The following DAPK1 variants were observed in gnomAD, a reference collection of about 807,000 sequenced individuals.
The protein encoded by DAPK1 is death associated protein kinase 1.
DAPK1 carries 56 observed loss-of-function variants against 144.9 expected under a neutral mutation model. The ratio of observed to expected loss-of-function variants is 0.39; its 90% CI spans 0.31 to 0.48. The LOEUF (loss-of-function observed/expected upper bound fraction) is 0.48. Among genes scored for constraint, DAPK1 ranks in the 20% least tolerant of loss-of-function variants. The pLI is 0.95. For missense variants in DAPK1, 1,454 were observed against 1,875.4 expected (o/e 0.78, Z 4.15); for synonymous variants, 690 against 749.0 (o/e 0.92, Z 1.29).
intron 14 of DAPK1, among the ~76,000 whole-genome samples, chr9:87,648,383 CTT>C (rs1830337133): frequency 6.6e-6 from 1 of 152,232 alleles, no homozygotes; most frequent in Non-Finnish European, 1.5e-5. Flanking sequence ...AAATGAGAAG[CTT>C]ATTAATAAAT....
At chr9:87,699,773 T>G (rs1033589543) in intron 23 of DAPK1, among the ~76,000 whole-genome samples, 3 of 152,208 alleles carry the variant, frequency 2.0e-5, no homozygotes, top group Non-Finnish European at 4.4e-5. Context: ...TCCCTCCACT[T>G]TCCACAGTAT....
At chr9:87,518,309 G>A (rs1587680126) in intron 2 of DAPK1, among the ~76,000 whole-genome samples, 1 of 129,612 alleles carries the variant, frequency 7.7e-6, no homozygotes, top group East Asian at 2.3e-4. Context: ...TGTATTTTTA[G>A]TAGAGATGGA....
chr9:87,551,685 A>G (rs1011309996), intron 2 of DAPK1, among the ~76,000 whole-genome samples: 1 of 152,178 alleles, frequency 6.6e-6, no homozygotes, highest in South Asian at 2.1e-4. Flanking sequence ...GGTCTGGCCC[A>G]GGGCCACATC....
chr9:87,499,831 A>G (rs2058882), intron 2 of DAPK1, among the ~76,000 whole-genome samples: 44,396 of 152,064 alleles, frequency 0.29, 7,496 homozygotes, highest in African/African-American at 0.44. Context: ...AACAAAGAAT[A>G]GTTTCTTTCG....
At chr9:87,604,853 C>T in intron 2 of DAPK1, 101 bp from the exon 3 acceptor site, 8 of 1,032,892 alleles carry the variant, frequency 7.7e-6, no homozygotes, top group Non-Finnish European at 1.0e-5. Flanking sequence ...TGGAACTTTC[C>T]TATTCACAGT....
At chr9:87,680,645 ACACACACGCG>A (rs896990046) in intron 19 of DAPK1, among the ~76,000 whole-genome samples, 7 of 123,074 alleles carry the variant, frequency 5.7e-5, no homozygotes, top group African/African-American at 1.8e-4. Flanking sequence ...GGTCACACAC[ACACACACGCG>A]CACACACACA....
intron 19 of DAPK1, among the ~76,000 whole-genome samples, chr9:87,676,358 G>A (rs988334214): frequency 6.6e-6 from 1 of 152,226 alleles, no homozygotes; most frequent in African/African-American, 2.4e-5. Flanking sequence ...TCATTACGTG[G>A]ATGAAAGCTG....
chr9:87,680,159 C>T (rs996795601), intron 19 of DAPK1, among the ~76,000 whole-genome samples: 1 of 152,024 alleles, frequency 6.6e-6, no homozygotes, highest in Non-Finnish European at 1.5e-5. Context: ...GGCTGGAGTG[C>T]AGTGGCGTGA....
intron 2 of DAPK1, among the ~76,000 whole-genome samples, chr9:87,510,717 G>T (rs1824804169): frequency 6.6e-6 from 1 of 152,194 alleles, no homozygotes; most frequent in Non-Finnish European, 1.5e-5. Context: ...CCTTATAAAG[G>T]TACATATGCA....
intron 19 of DAPK1, among the ~76,000 whole-genome samples, chr9:87,669,349 G>T (rs564469229): frequency 7.1e-4 from 105 of 147,808 alleles, no homozygotes; most frequent in Non-Finnish European, 6.6e-4. Context: ...GGGGTGGGGG[G>T]GGGTCACTGG....
chr9:87,680,256 C>T (rs1362798724), intron 19 of DAPK1, among the ~76,000 whole-genome samples: 1 of 152,156 alleles, frequency 6.6e-6, no homozygotes, highest in East Asian at 1.9e-4. Flanking sequence ...AGGCTCCCGC[C>T]ACCACGCCCG....
At chr9:87,509,941 C>T (rs1339381830) in intron 2 of DAPK1, among the ~76,000 whole-genome samples, 1 of 152,296 alleles carries the variant, frequency 6.6e-6, no homozygotes, top group African/African-American at 2.4e-5. Context: ...ACGGCCAGGC[C>T]GCTTTTGCCC....
chr9:87,531,199 G>A (rs1325410751), intron 2 of DAPK1, among the ~76,000 whole-genome samples: 1 of 152,192 alleles, frequency 6.6e-6, no homozygotes, highest in East Asian at 1.9e-4. Flanking sequence ...TTCCACTGCA[G>A]TGTGGGTCAT....
intron 3 of DAPK1, among the ~76,000 whole-genome samples, chr9:87,623,244 T>C (rs758034323): frequency 1.3e-5 from 2 of 152,228 alleles, no homozygotes; most frequent in African/African-American, 2.4e-5. Context: ...TGTTTCCTTC[T>C]TGGATGCTAA....
intron 21 of DAPK1, among the ~76,000 whole-genome samples, chr9:87,690,156 T>C (rs1825005367): frequency 6.6e-6 from 1 of 152,176 alleles, no homozygotes; most frequent in Non-Finnish European, 1.5e-5. Context: ...TATTTGCATT[T>C]GTTTGTGTCC....
At chr9:87,551,123 G>C (rs1476926017) in intron 2 of DAPK1, among the ~76,000 whole-genome samples, 5 of 151,752 alleles carry the variant, frequency 3.3e-5, no homozygotes, top group Admixed American at 6.6e-5. Flanking sequence ...CTTAAAACTG[G>C]GCAACATCAT....
At chr9:87,639,162 G>A (rs1432840553) in intron 4 of DAPK1, among the ~76,000 whole-genome samples, 192 bp from the exon 5 acceptor site, 3 of 151,802 alleles carry the variant, frequency 2.0e-5, no homozygotes, top group Non-Finnish European at 2.9e-5. Context: ...ACTTGCATCC[G>A]AATCCTTGTC....
intron 2 of DAPK1, among the ~76,000 whole-genome samples, chr9:87,516,474 C>T (rs36229584): frequency 0.046 from 7,004 of 152,154 alleles, 563 homozygotes; most frequent in African/African-American, 0.16. Context: ...CCTTGCTTCC[C>T]CCTGCTCTGT....
At chr9:87,623,128 C>G (rs759524151) in intron 3 of DAPK1, among the ~76,000 whole-genome samples, 1 of 152,166 alleles carries the variant, frequency 6.6e-6, no homozygotes, top group African/African-American at 2.4e-5. Flanking sequence ...CTGGTAATGA[C>G]TTCCACCTTC....
Sources: gnomAD v4.1 joint callset for allele counts (sites outside exome capture counted in the v4.1 genomes callset) on GRCh38, gnomAD v4.1.1 for gene constraint, MANE v1.5 for transcripts, NCBI Gene and HGNC (gene_info 2026-07-23, HGNC 2026-07-21) for gene names.